The following RHBDD1 variants were observed in gnomAD, a reference collection of about 807,000 sequenced individuals.
RHBDD1 encodes the protein rhomboid-related protein 4.
Under a neutral mutation model 36.3 loss-of-function variants are expected in RHBDD1, and 38 were observed. The observed-to-expected ratio is 1.05, with a 90% CI of 0.81 to 1.37. RHBDD1 has a LOEUF of 1.37. Among genes scored for constraint, RHBDD1 ranks in the 40% most tolerant of loss-of-function variants. The probability of loss-of-function intolerance (pLI) is 0.00; values close to 1 mark genes in which losing one functional copy is unlikely to be tolerated. For missense variants in RHBDD1, 393 were observed against 377.6 expected (o/e 1.04, Z -0.34); for synonymous variants, 151 against 136.5 (o/e 1.11, Z -0.74).
the RHBDD1 span, among the ~76,000 whole-genome samples, chr2:226,825,128 G>A: frequency 2.0e-5 from 3 of 152,130 alleles, no homozygotes; most frequent in Non-Finnish European, 2.9e-5. Context: ...CACATACACA[G>A]CACTCATGAA....
chr2:226,851,096 G>T (rs1315931630), intron 3 of RHBDD1, among the ~76,000 whole-genome samples: 1 of 152,040 alleles, frequency 6.6e-6, no homozygotes, highest in African/African-American at 2.4e-5. Context: ...CCTCACCTGT[G>T]GAAGATGGTC....
At chr2:226,847,397 T>C (rs575575704) in intron 3 of RHBDD1, among the ~76,000 whole-genome samples, 1 of 152,362 alleles carries the variant, frequency 6.6e-6, no homozygotes, top group Admixed American at 6.5e-5. Flanking sequence ...GAAACTTCCC[T>C]AAGGTCTTCT....
At chr2:226,973,947 A>G (rs1019319422) in intron 8 of RHBDD1, among the ~76,000 whole-genome samples, 2 of 152,200 alleles carry the variant, frequency 1.3e-5, no homozygotes, top group African/African-American at 4.8e-5. Flanking sequence ...CTTTGATAGC[A>G]GAGTGGCTGC....
intron 5 of RHBDD1, among the ~76,000 whole-genome samples, chr2:226,889,295 C>G (rs1460471830): frequency 5.3e-5 from 8 of 152,202 alleles, no homozygotes; most frequent in Non-Finnish European, 1.0e-4. Context: ...TTTATGTGCT[C>G]TGCATTATTT....
chr2:226,838,729 A>G (rs1381322599), intron 2 of RHBDD1, among the ~76,000 whole-genome samples: 3 of 152,230 alleles, frequency 2.0e-5, no homozygotes, highest in South Asian at 4.1e-4. Flanking sequence ...CTTTTTAACC[A>G]TAAAATGCTG....
At chr2:226,808,307 A>G in the RHBDD1 span, 1 of 152,208 alleles carries the variant, frequency 6.6e-6, no homozygotes, top group South Asian at 2.1e-4. Flanking sequence ...AACTGAGACA[A>G]TGTATCAGTT....
At chr2:226,868,915 C>T (rs1944556386) in intron 5 of RHBDD1, among the ~76,000 whole-genome samples, 2 of 152,068 alleles carry the variant, frequency 1.3e-5, no homozygotes, top group Non-Finnish European at 2.9e-5. Flanking sequence ...TCTGAACAGC[C>T]CTCTCTATAC....
At chr2:226,863,340 A>G (rs1230281253) in intron 3 of RHBDD1, among the ~76,000 whole-genome samples, 1 of 152,230 alleles carries the variant, frequency 6.6e-6, no homozygotes, top group Non-Finnish European at 1.5e-5. Flanking sequence ...TTCTGGCTCT[A>G]AATAAATAAA....
intron 5 of RHBDD1, among the ~76,000 whole-genome samples, chr2:226,881,098 AAGG>A (rs1338933311): frequency 1.3e-5 from 2 of 152,256 alleles, no homozygotes; most frequent in African/African-American, 4.8e-5. Flanking sequence ...AGGCAACAGG[AAGG>A]AGAAGTGCCA....
chr2:226,839,198 T>A (rs1331288835), intron 2 of RHBDD1, among the ~76,000 whole-genome samples: 3 of 152,212 alleles, frequency 2.0e-5, no homozygotes, highest in African/African-American at 7.2e-5. Context: ...CACTAGGTCA[T>A]AATTTTATTT....
At chr2:226,889,832 T>C (rs936338532) in intron 5 of RHBDD1, among the ~76,000 whole-genome samples, 3 of 152,236 alleles carry the variant, frequency 2.0e-5, no homozygotes, top group African/African-American at 4.8e-5. Flanking sequence ...GCACACTTTT[T>C]TGAGTGCCAC....
chr2:226,923,868 A>G (rs1378067461), intron 8 of RHBDD1, among the ~76,000 whole-genome samples: 1 of 152,038 alleles, frequency 6.6e-6, no homozygotes, highest in African/African-American at 2.4e-5. Context: ...TCTCTTTGCC[A>G]AATTTGTTTA....
Position 226,887,770 on chromosome 2 carries a change from C to G in RHBDD1, c.567-19023C>G, listed in dbSNP as rs534715504. On this transcript the variant is annotated intron_variant, in intron 5 of 8. Coordinates refer to ENST00000392062, the MANE Select transcript of RHBDD1 (RefSeq NM_001167608.3). ...TACTATGCAGGCAGCAGAAAAATGA[C>G]TTTATAAACTTGCAATGCTCTTTTG... Among the ~76,000 whole-genome samples, 41 of 152,248 alleles carry G rather than the reference C, an allele frequency of 2.7e-4. No individual in the cohort carries two copies. The South Asian group carries it at 3.5e-3, about 13-fold the overall frequency.
intron 8 of RHBDD1, among the ~76,000 whole-genome samples, chr2:226,966,748 C>G (rs1206704899): frequency 6.6e-6 from 1 of 152,116 alleles, no homozygotes; most frequent in Non-Finnish European, 1.5e-5. Context: ...GGACCCTGAC[C>G]TCAAACTCCT....
chr2:226,928,763 A>C (rs1181502581), intron 8 of RHBDD1, among the ~76,000 whole-genome samples: 1 of 152,122 alleles, frequency 6.6e-6, no homozygotes, highest in African/African-American at 2.4e-5. Context: ...TAGCTATCTT[A>C]ACCATGAAAA....
chr2:226,835,011 G>A (rs976120123), upstream of RHBDD1, among the ~76,000 whole-genome samples: 5 of 152,244 alleles, frequency 3.3e-5, no homozygotes, highest in Admixed American at 2.6e-4. Flanking sequence ...CCTGACCTCC[G>A]GTGATCCGCC....
chr2:226,972,758 G>A (rs1050645451), intron 8 of RHBDD1, among the ~76,000 whole-genome samples: 2 of 152,070 alleles, frequency 1.3e-5, no homozygotes, highest in South Asian at 4.1e-4. Context: ...GCTCACACTC[G>A]GCCAAGCTCT....
At chr2:226,899,196 A>G (rs770619412) in intron 5 of RHBDD1, among the ~76,000 whole-genome samples, 1 of 152,226 alleles carries the variant, frequency 6.6e-6, no homozygotes, top group African/African-American at 2.4e-5. Flanking sequence ...ATGGATGAGG[A>G]GCAGCTTAAG....
At chr2:226,992,938 G>A (rs1223573269) in intron 8 of RHBDD1, among the ~76,000 whole-genome samples, 1 of 152,202 alleles carries the variant, frequency 6.6e-6, no homozygotes, top group Non-Finnish European at 1.5e-5. Context: ...GGGAGTGAAA[G>A]CTAAGTGGAG....
Sources: allele counts gnomAD v4.1 joint callset (sites outside exome capture counted in the v4.1 genomes callset), GRCh38; gene constraint gnomAD v4.1.1; transcripts MANE v1.5; gene names NCBI Gene and HGNC (gene_info 2026-07-23, HGNC 2026-07-21).